The following CHAF1A variants were observed in gnomAD, a reference collection of about 807,000 sequenced individuals.
The protein encoded by CHAF1A is CAF-1 subunit A.
A neutral mutation model predicts 93.2 loss-of-function variants in CHAF1A; 5 were observed. The observed-to-expected ratio is 0.05, with a 90% confidence interval of 0.03 to 0.11. CHAF1A has a LOEUF of 0.11. Among genes scored for constraint, CHAF1A ranks in the 10% least tolerant of loss-of-function variants. CHAF1A has a pLI of 1.00. For synonymous variants in CHAF1A, 504 were observed against 510.3 expected (o/e 0.99, Z 0.17); for missense variants, 1,102 against 1,259.9 (o/e 0.87, Z 1.90).
chr19:4,444,136 G>A (rs1299410012), downstream of CHAF1A, among the ~76,000 whole-genome samples: 1 of 152,176 alleles, frequency 6.6e-6, no homozygotes, highest in Non-Finnish European at 1.5e-5. Flanking sequence ...CCTGGGGCCT[G>A]CAGGACGCAG....
chr19:4,403,039 C>T (rs1973613888), intron 1 of CHAF1A, among the ~76,000 whole-genome samples: 2 of 152,218 alleles, frequency 1.3e-5, no homozygotes, highest in African/African-American at 4.8e-5. Context: ...GTTTCCGGCG[C>T]TTTTGCGTCA....
downstream of CHAF1A, chr19:4,445,344 C>T (rs1402069366): frequency 3.0e-6 from 4 of 1,327,646 alleles, no homozygotes; most frequent in African/African-American, 1.5e-5. Context: ...GCCACGGGGC[C>T]CAATTCCACA....
At chr19:4,408,190 G>A (rs553245738) in intron 2 of CHAF1A, among the ~76,000 whole-genome samples, 28 of 147,826 alleles carry the variant, frequency 1.9e-4, no homozygotes, top group Non-Finnish European at 3.4e-4. Flanking sequence ...CCCCTGCCCC[G>A]TCTTTTTTTT....
the CHAF1A span, chr19:4,450,527 G>C: frequency 6.6e-6 from 1 of 152,086 alleles, no homozygotes; most frequent in Non-Finnish European, 1.5e-5. Context: ...GGGAGGCCGA[G>C]GCGGGCGGAT....
intron 2 of CHAF1A, 141 bp downstream of exon 2, chr19:4,406,103 T>C: frequency 1.4e-6 from 1 of 701,002 alleles, no homozygotes; most frequent in Admixed American, 2.5e-5. Context: ...AAAATGCTTT[T>C]CACACAGTAA....
chr19:4,411,642 A>ATTTTTTTTTTT (rs1202069647), intron 3 of CHAF1A, among the ~76,000 whole-genome samples: 25 of 38,056 alleles, frequency 6.6e-4, no homozygotes, highest in Non-Finnish European at 1.1e-3. Flanking sequence ...AATGGTGCAA[A>ATTTTTTTTTTT]TCTTTTTTTT....
At chr19:4,413,255 G>A (rs1351068101) in intron 3 of CHAF1A, among the ~76,000 whole-genome samples, 3 of 151,862 alleles carry the variant, frequency 2.0e-5, no homozygotes, top group Non-Finnish European at 4.4e-5. Context: ...TATTTTTAGT[G>A]GAGATGGGGT....
downstream of CHAF1A, chr19:4,448,489 G>T: frequency 2.4e-6 from 3 of 1,250,290 alleles, no homozygotes; most frequent in Non-Finnish European, 2.3e-6. Context: ...CCAGGTAACA[G>T]GGGCAGGAAA....
In CHAF1A at chr19:4,422,736, G is replaced by A. The variant is rs918450358; in HGVS notation, c.1188G>A (p.Glu396=). Residue 396 remains glutamate, a synonymous_variant, in exon 5 of 15, where the codon GAG becomes GAA. Coordinates refer to ENST00000301280, the MANE Select transcript of CHAF1A (RefSeq NM_005483.3). This position sits in a 1 kb window ranked among gnomAD's most constrained non-coding sequence, Gnocchi z 4.6. ...AGAAGCGGGAGAAGGATGAGAAGGA[G>A]AAGGCGGAGAAGCAGCGGCTCAAGG... ...RREKREKDEK[E]KAEKQRLKEE... The A allele has an allele frequency of 2.0e-5, 33 of 1,612,846 alleles. No homozygotes were observed. In the Admixed American group the frequency reaches 5.3e-4, roughly 26 times the overall value.
chr19:4,418,725 C>G (rs1410744021), intron 4 of CHAF1A, among the ~76,000 whole-genome samples: 1 of 152,076 alleles, frequency 6.6e-6, no homozygotes, highest in Non-Finnish European at 1.5e-5. Context: ...AGTCCTGTGT[C>G]TTTCACTTAT....
chr19:4,442,008 T>A (rs1249435862), intron 13 of CHAF1A, among the ~76,000 whole-genome samples: 2 of 152,250 alleles, frequency 1.3e-5, no homozygotes, highest in African/African-American at 4.8e-5. Context: ...ATGGCTGTTT[T>A]TGGAGATCTG....
chr19:4,415,950 G>T (rs957475688), intron 3 of CHAF1A, among the ~76,000 whole-genome samples: 1 of 152,112 alleles, frequency 6.6e-6, no homozygotes, highest in African/African-American at 2.4e-5. Flanking sequence ...GAGGCGGGCG[G>T]ATCACGAGGT....
At chr19:4,445,070 G>A, downstream of CHAF1A, 1 of 186,302 alleles carries the variant, frequency 5.4e-6, no homozygotes, top group Non-Finnish European at 1.1e-5. Flanking sequence ...GTGCAGGAAG[G>A]CCAGCATCCC....
Position 4,422,934 on chromosome 19 carries a change from C to T in CHAF1A, c.1247+139C>T. 1.2e-6 allele frequency: 1 copy of T among 818,726 alleles called. No individual in the cohort carries two copies. The highest frequency in any genetic ancestry group is 1.9e-6 in the Non-Finnish European group (1 of 520,044). The allele number at this position is 818,726 out of a possible 1,614,324, so 50.7% of individuals were successfully genotyped here. A position where few individuals can be genotyped will look rare whatever the true frequency, so the allele number is the denominator to read the frequency against. The stretch of plus-strand genomic sequence containing the variant: ...CTTCCCATTTCTCCTTCGTGAGGTG[C>T]CCGTGGGGCCCTGACGTGGGAGCGG... On this transcript the variant is annotated intron_variant, in intron 5 of 14. Coordinates refer to ENST00000301280, the MANE Select transcript of CHAF1A (RefSeq NM_005483.3). This position sits in a 1 kb window ranked among gnomAD's most constrained non-coding sequence, Gnocchi z 4.6.
chr19:4,428,242 T>G (rs528700715), intron 7 of CHAF1A, among the ~76,000 whole-genome samples: 1 of 151,116 alleles, frequency 6.6e-6, no homozygotes, highest in East Asian at 1.9e-4. Context: ...TCCGCCCTCC[T>G]CAGCCTCCCA....
At chr19:4,429,021 C>T in intron 8 of CHAF1A, 131 bp downstream of exon 8, 1 of 699,610 alleles carries the variant, frequency 1.4e-6, no homozygotes, top group Non-Finnish European at 2.4e-6. Context: ...GGGCCCTGGG[C>T]TTCGGTGCTG....
At chr19:4,427,606 G>C (rs1013220627) in intron 7 of CHAF1A, among the ~76,000 whole-genome samples, 1 of 150,668 alleles carries the variant, frequency 6.6e-6, no homozygotes, top group Non-Finnish European at 1.5e-5. Context: ...TTTTGTTTTT[G>C]AGATGGAGTC....
rs1974430739 is a variant in CHAF1A at position 4,443,242 on chromosome 19, G to T, written c.*217G>T. The T allele has an allele frequency of 5.5e-6, 3 of 544,516 alleles. No individual in the cohort carries two copies. Among genetic ancestry groups the T allele is most frequent in the Non-Finnish European group, 1.0e-5 (3 of 297,090 alleles). The allele number at this position is 544,516 out of a possible 1,614,324, so 33.7% of individuals were successfully genotyped here. A position where few individuals can be genotyped will look rare whatever the true frequency, so the allele number is the denominator to read the frequency against. On this transcript the variant is annotated 3_prime_UTR_variant, in exon 15 of 15. Transcript: ENST00000301280. ...ATCTGCCCTTTAATAAAGCATTATT[G>T]AGATTGCTGGCCTATTGGGGAAGCC...
Position 4,423,958 on chromosome 19 carries a change from A to G in CHAF1A, c.1377+84A>G. On this transcript the variant is annotated intron_variant, in intron 7 of 14. Transcript: ENST00000301280. The stretch of plus-strand genomic sequence containing the variant: ...AAAGTGAAAGGGTCTCTCCCCAGCC[A>G]GCTTCTCTCATTAGGAGGGAGGGAG... The G allele has an allele frequency of 1.5e-6, 2 of 1,322,862 alleles. 1 individual carries two copies. Among genetic ancestry groups the G allele is most frequent in the South Asian group, 2.4e-5 (2 of 83,712 alleles). The allele number at this position is 1,322,862 out of a possible 1,614,324, so 81.9% of individuals were successfully genotyped here.
Sources: gnomAD v4.1 joint callset for allele counts (sites outside exome capture counted in the v4.1 genomes callset) on GRCh38, gnomAD v4.1.1 for gene constraint, Gnocchi (gnomAD v3.1) non-coding constraint, MANE v1.5 for transcripts, NCBI Gene and HGNC (gene_info 2026-07-23, HGNC 2026-07-21) for gene names.